The following SECISBP2L variants were observed in gnomAD, a reference collection of about 807,000 sequenced individuals.
The protein encoded by SECISBP2L is selenocysteine insertion sequence-binding protein 2-like.
In SECISBP2L, 43 loss-of-function variants were observed where a neutral mutation model predicts 114.7. That is an observed-to-expected ratio of 0.38 (90% CI 0.29 to 0.48). SECISBP2L has a LOEUF of 0.48. SECISBP2L is among the 20% of genes least tolerant of loss of function. SECISBP2L has a pLI of 0.98. For synonymous variants in SECISBP2L, 451 were observed against 439.7 expected, an observed-to-expected ratio of 1.03 and a Z score of -0.32; for missense variants, 1,136 against 1,301.1, an observed-to-expected ratio of 0.87 and a Z score of 1.95.
At position 48,991,624 on chromosome 15, in the gene SECISBP2L, C is replaced by T. The variant is rs1901979077; in HGVS notation, c.*620G>A. 1 of 152,514 alleles carries T rather than the reference C, an allele frequency of 6.6e-6. No individual in the cohort carries two copies. The allele number at this position is 152,514 out of a possible 1,614,324, so 9.4% of individuals were successfully genotyped here. A position where few individuals can be genotyped will look rare whatever the true frequency, so the allele number is the denominator to read the frequency against. ...ACAAATGAGGCTAGCTAGCTATAAT[C>T]TAAGATGGTGGCTCCACTGCTAGCC... is the stretch of plus-strand genomic sequence containing the variant. On this transcript the variant is annotated 3_prime_UTR_variant, in exon 18 of 18. Transcript: ENST00000559471.
At position 48,992,574 on chromosome 15, in the gene SECISBP2L, T is replaced by A. The variant is rs1025153028; in HGVS notation, c.2976A>T (p.Glu992Asp). Residue 992 changes from glutamate to aspartate, a missense_variant, in exon 18 of 18, where the codon GAA becomes GAT. Transcript: ENST00000559471. ...TLVPGMLEEE[E>D]DEDEEEEEDY... ...CTTCCTCCTCCTCCTCATCTTCATCTTCTTCTTCTTCAAGCATGCCAGGTA... is the reference window on the plus strand; with the variant it reads ...CTTCCTCCTCCTCCTCATCTTCATCATCTTCTTCTTCAAGCATGCCAGGTA... 4.4e-6 allele frequency: 7 copies of A among 1,606,914 alleles called. No individual in the cohort carries two copies. The highest frequency in any genetic ancestry group is 3.3e-5 in the Admixed American group (2 of 59,798).
intron 4 of SECISBP2L, among the ~76,000 whole-genome samples, chr15:49,030,401 G>C (rs1902861630): frequency 1.3e-5 from 2 of 152,202 alleles, no homozygotes; most frequent in Admixed American, 6.5e-5. Context: ...ATAGGAATGA[G>C]ATGACTGCGT....
Position 49,035,735 on chromosome 15 carries a change from C to T in SECISBP2L, c.204-77G>A, listed in dbSNP as rs187296926. ...CACTAAAGCAAAATCTCTTAACTTA[C>T]ACTAATAAAAGACAAAACAGAACAG... On this transcript the variant is annotated intron_variant, in intron 2 of 17. Transcript: ENST00000559471. The T allele has an allele frequency of 1.3e-4, 168 of 1,328,462 alleles. 1 individual carries two copies. In the East Asian group the frequency reaches 3.0e-3, roughly 24 times the overall value. 82.3% of individuals were successfully genotyped at this position (1,328,462 alleles called of 1,614,324 possible).
At chr15:48,997,030 G>A (rs1328528066) in intron 16 of SECISBP2L, among the ~76,000 whole-genome samples, 1 of 152,168 alleles carries the variant, frequency 6.6e-6, no homozygotes, top group Non-Finnish European at 1.5e-5. Context: ...TATGGCTTTA[G>A]TTGAGGCATC....
chr15:49,000,732 T>A, intron 15 of SECISBP2L, 145 bp downstream of exon 15: 1 of 617,186 alleles, frequency 1.6e-6, no homozygotes, highest in South Asian at 2.3e-5. Flanking sequence ...ATTTCAGGTA[T>A]TGAAAGACTG....
chr15:49,013,863 G>A (rs1306351828), intron 11 of SECISBP2L, among the ~76,000 whole-genome samples: 1 of 151,896 alleles, frequency 6.6e-6, no homozygotes, highest in African/African-American at 2.4e-5. Context: ...CTATACCCTT[G>A]CATCTTTCGA....
chr15:49,030,002 G>GTATTTCTTA (rs965710251), intron 4 of SECISBP2L, among the ~76,000 whole-genome samples: 1 of 140,190 alleles, frequency 7.1e-6, no homozygotes, highest in African/African-American at 2.7e-5. Context: ...CAACTGAGTT[G>GTATTTCTTA]TATTTCTTAT....
intron 17 of SECISBP2L, 22 bp downstream of exon 17, chr15:48,996,345 A>G: frequency 6.3e-7 from 1 of 1,590,468 alleles, no homozygotes; most frequent in Non-Finnish European, 8.6e-7. Context: ...TAAGTCATTT[A>G]AAATAGTATT....
chr15:49,004,388 G>T (rs908809233), intron 14 of SECISBP2L, among the ~76,000 whole-genome samples: 9 of 152,108 alleles, frequency 5.9e-5, no homozygotes, highest in Non-Finnish European at 1.0e-4. Context: ...CCAGCTCCTA[G>T]ATTCATTGAC....
chr15:49,046,019 G>A (rs1167895363), intron 1 of SECISBP2L, among the ~76,000 whole-genome samples: 1 of 152,170 alleles, frequency 6.6e-6, no homozygotes, highest in Non-Finnish European at 1.5e-5. Flanking sequence ...GGAGCCTTCT[G>A]ACCCCTTCAC....
At chr15:49,045,644 C>A (rs549875564) in intron 1 of SECISBP2L, among the ~76,000 whole-genome samples, 1 of 151,944 alleles carries the variant, frequency 6.6e-6, no homozygotes, top group African/African-American at 2.4e-5. Flanking sequence ...AAAACGGGTT[C>A]GAAAATAAGC....
At chr15:49,011,463 C>T (rs1239305551) in intron 13 of SECISBP2L, 5 of 319,302 alleles carry the variant, frequency 1.6e-5, no homozygotes, top group Non-Finnish European at 2.8e-5. Flanking sequence ...CCCATGCATT[C>T]GTGACATCTT....
At chr15:49,039,102 T>C (rs1444895563) in intron 1 of SECISBP2L, among the ~76,000 whole-genome samples, 1 of 152,194 alleles carries the variant, frequency 6.6e-6, no homozygotes, top group Non-Finnish European at 1.5e-5. Flanking sequence ...GATGGTAAAA[T>C]CTGAACTGTC....
At chr15:49,034,708 A>T (rs980417990) in intron 3 of SECISBP2L, among the ~76,000 whole-genome samples, 1 of 132,962 alleles carries the variant, frequency 7.5e-6, no homozygotes, top group African/African-American at 2.9e-5. Context: ...TCTGTCACCT[A>T]CGCTGGAGTG....
chr15:49,033,914 C>T (rs573276047), intron 3 of SECISBP2L, among the ~76,000 whole-genome samples: 1 of 152,288 alleles, frequency 6.6e-6, no homozygotes, highest in Admixed American at 6.5e-5. Context: ...TTAATAGCAA[C>T]TTACACAATA....
At chr15:49,024,384 T>C (rs1902699860) in intron 7 of SECISBP2L, among the ~76,000 whole-genome samples, 1 of 151,466 alleles carries the variant, frequency 6.6e-6, no homozygotes, top group Non-Finnish European at 1.5e-5. Context: ...TAATCCCAGC[T>C]ACTCAGGAGG....
chr15:49,008,593 G>A (rs1384099092), intron 14 of SECISBP2L, among the ~76,000 whole-genome samples: 1 of 152,182 alleles, frequency 6.6e-6, no homozygotes, highest in Non-Finnish European at 1.5e-5. Context: ...ATAAACCAAT[G>A]TAATTTGGAC....
chr15:49,028,098 G>A lies in SECISBP2L; in HGVS notation c.919+46C>T, dbSNP rs746075246. 11 of 1,532,604 alleles carry A rather than the reference G, an allele frequency of 7.2e-6. No homozygotes were observed. In the Middle Eastern group the frequency reaches 1.2e-3, roughly 164 times the overall value. The allele number at this position is 1,532,604 out of a possible 1,614,324, so 94.9% of individuals were successfully genotyped here. On this transcript the variant is annotated intron_variant, in intron 6 of 17. Coordinates refer to ENST00000559471, the MANE Select transcript of SECISBP2L (RefSeq NM_001193489.2). The stretch of plus-strand genomic sequence containing the variant: ...TGCTTAAAAGGAAAACTCTGATATG[G>A]ACAAAGTAGAAAGTATAGCAAAAAC...
chr15:49,020,745 G>A (rs1030020015), intron 7 of SECISBP2L, among the ~76,000 whole-genome samples: 12 of 152,032 alleles, frequency 7.9e-5, no homozygotes, highest in Non-Finnish European at 4.4e-5. Flanking sequence ...CTGGGCTCAA[G>A]GGATCCTCCT....
Sources: gnomAD v4.1 joint callset for allele counts (sites outside exome capture counted in the v4.1 genomes callset) on GRCh38, gnomAD v4.1.1 for gene constraint, MANE v1.5 for transcripts, NCBI Gene and HGNC (gene_info 2026-07-23, HGNC 2026-07-21) for gene names.